Variants in SLC71A2 observed in about 807,000 individuals in gnomAD.
SLC71A2 encodes the protein hippocampus abundant transcript-like 1.
chr9:94,451,966 C>T, the SLC71A2 span, among the ~76,000 whole-genome samples: 1 of 152,218 alleles, frequency 6.6e-6, no homozygotes, highest in African/African-American at 2.4e-5. Flanking sequence ...ATCCCAGGCC[C>T]CTGGGGGCCT....
At chr9:94,459,324 A>T in the SLC71A2 span, 14 of 1,614,062 alleles carry the variant, frequency 8.7e-6, no homozygotes, top group Non-Finnish European at 1.1e-5. Context: ...CGGGGCAGTG[A>T]TGAGGACATT....
At chr9:94,387,621 G>A in the SLC71A2 span, among the ~76,000 whole-genome samples, 1 of 152,186 alleles carries the variant, frequency 6.6e-6, no homozygotes, top group African/African-American at 2.4e-5. Flanking sequence ...ACTGAACAAT[G>A]GAGCTGGGAC....
At chr9:94,405,471 C>T in the SLC71A2 span, among the ~76,000 whole-genome samples, 1 of 150,010 alleles carries the variant, frequency 6.7e-6, no homozygotes, top group African/African-American at 2.5e-5. Flanking sequence ...TGCACTCCAG[C>T]CTGGGCGACA....
At chr9:94,427,234 T>A in the SLC71A2 span, among the ~76,000 whole-genome samples, 1 of 152,210 alleles carries the variant, frequency 6.6e-6, no homozygotes, top group East Asian at 1.9e-4. Flanking sequence ...CCTTTTAAAA[T>A]TATTATTGAC....
chr9:94,410,440 T>C, the SLC71A2 span, among the ~76,000 whole-genome samples: 10 of 151,956 alleles, frequency 6.6e-5, no homozygotes, highest in Non-Finnish European at 5.9e-5. Flanking sequence ...GTTCTTGCTG[T>C]GTTGCCCAGG....
chr9:94,432,449 G>A, the SLC71A2 span, among the ~76,000 whole-genome samples: 4 of 152,198 alleles, frequency 2.6e-5, no homozygotes, highest in Admixed American at 6.5e-5. Context: ...GCAGTGAGCC[G>A]AGATCGTGCC....
chr9:94,446,357 T>G, the SLC71A2 span, among the ~76,000 whole-genome samples: 6 of 152,238 alleles, frequency 3.9e-5, no homozygotes, highest in African/African-American at 1.2e-4. Flanking sequence ...GGAGCGTACT[T>G]ATTTGTCTAC....
the SLC71A2 span, among the ~76,000 whole-genome samples, chr9:94,411,833 C>T: frequency 2.8e-4 from 43 of 152,180 alleles, no homozygotes; most frequent in Non-Finnish European, 5.4e-4. Context: ...TCAAGTGATC[C>T]GCCTGCCTCA....
chr9:94,395,300 G>A, the SLC71A2 span, among the ~76,000 whole-genome samples: 8 of 152,288 alleles, frequency 5.3e-5, no homozygotes, highest in East Asian at 1.2e-3. Context: ...TAGAAGTACA[G>A]TAGAGTCAAC....
the SLC71A2 span, among the ~76,000 whole-genome samples, chr9:94,457,427 A>G: frequency 1.3e-5 from 2 of 150,454 alleles, no homozygotes; most frequent in South Asian, 2.1e-4. Flanking sequence ...AAAAAACTAT[A>G]TTGGAAAGGA....
the SLC71A2 span, among the ~76,000 whole-genome samples, chr9:94,427,115 C>T: frequency 3.3e-5 from 5 of 152,144 alleles, no homozygotes; most frequent in Non-Finnish European, 2.9e-5. Context: ...ACATTTGTTG[C>T]CTTTTGTAGC....
chr9:94,412,900 C>A, the SLC71A2 span, among the ~76,000 whole-genome samples: 1 of 141,290 alleles, frequency 7.1e-6, no homozygotes, highest in Non-Finnish European at 1.5e-5. Flanking sequence ...TAAACATGTT[C>A]TGGAGTTAGA....
At chr9:94,380,003 T>G in the SLC71A2 span, among the ~76,000 whole-genome samples, 1 of 152,310 alleles carries the variant, frequency 6.6e-6, no homozygotes, top group Non-Finnish European at 1.5e-5. Flanking sequence ...CGCGGTGGCT[T>G]ACGCCTATAA....
At chr9:94,451,330 TC>T in the SLC71A2 span, 1 of 471,922 alleles carries the variant, frequency 2.1e-6, no homozygotes. Context: ...GGTTCAGCTT[TC>T]AGCATGTCTT....
At chr9:94,379,826 A>T in the SLC71A2 span, among the ~76,000 whole-genome samples, 1 of 152,374 alleles carries the variant, frequency 6.6e-6, no homozygotes, top group Middle Eastern at 3.4e-3. Context: ...GAACTAGAAT[A>T]TCCAGGAAAG....
chr9:94,413,633 C>G, the SLC71A2 span, among the ~76,000 whole-genome samples: 1 of 123,570 alleles, frequency 8.1e-6, no homozygotes, highest in Admixed American at 1.1e-4. Flanking sequence ...GCACTCCAGC[C>G]TGGGCAACAA....
At chr9:94,420,328 T>C in the SLC71A2 span, among the ~76,000 whole-genome samples, 1 of 152,206 alleles carries the variant, frequency 6.6e-6, no homozygotes, top group Non-Finnish European at 1.5e-5. Context: ...CATGCCCTGC[T>C]TAAACTGATA....
At chr9:94,387,957 A>G in the SLC71A2 span, among the ~76,000 whole-genome samples, 1 of 152,226 alleles carries the variant, frequency 6.6e-6, no homozygotes, top group Admixed American at 6.5e-5. Flanking sequence ...AATTGCTTCA[A>G]TTTAAAAATA....
the SLC71A2 span, among the ~76,000 whole-genome samples, chr9:94,452,486 A>G: frequency 1.3e-5 from 2 of 151,854 alleles, no homozygotes; most frequent in East Asian, 3.9e-4. Flanking sequence ...AATTCCAGCT[A>G]CTCAGGAGGC....
Sources: allele counts gnomAD v4.1 joint callset (sites outside exome capture counted in the v4.1 genomes callset), GRCh38; gene constraint gnomAD v4.1.1; transcripts MANE v1.5; gene names NCBI Gene and HGNC (gene_info 2026-07-23, HGNC 2026-07-21).